Variants in SLCO5A1 observed in about 807,000 individuals in gnomAD.
SLCO5A1 encodes organic anion transporter polypeptide-related protein 4.
SLCO5A1 carries 39 observed loss-of-function variants against 65.1 expected under a neutral mutation model. That is an observed-to-expected ratio of 0.60 (90% confidence interval 0.46 to 0.78). The LOEUF is 0.78. Among genes scored for constraint, SLCO5A1 ranks in the 30% least tolerant of loss-of-function variants. The pLI is 0.00. For synonymous variants in SLCO5A1, 438 were observed against 415.7 expected (o/e 1.05, Z -0.65); for missense variants, 1,029 against 1,069.4 (o/e 0.96, Z 0.53).
At chr8:69,683,520 A>C (rs1024781116) in intron 6 of SLCO5A1, among the ~76,000 whole-genome samples, 3 of 152,026 alleles carry the variant, frequency 2.0e-5, no homozygotes, top group Non-Finnish European at 4.4e-5. Context: ...TGCACTCAAT[A>C]GGTAATTTCT....
chr8:69,678,775 C>A (rs1325022746), intron 8 of SLCO5A1, among the ~76,000 whole-genome samples: 1 of 124,434 alleles, frequency 8.0e-6, no homozygotes. Context: ...CAAGATATGG[C>A]AAAGAAAGCA....
At position 69,679,261 on chromosome 8, in the gene SLCO5A1, T is replaced by G. The variant is rs777353896; in HGVS notation, c.2024+117A>C. 362 of 1,425,528 alleles carry G rather than the reference T, an allele frequency of 2.5e-4. 1 individual carries two copies. Among genetic ancestry groups the G allele is most frequent in the Middle Eastern group, 1.2e-3 (6 of 4,826 alleles). 88.3% of individuals were successfully genotyped at this position (1,425,528 alleles called of 1,614,324 possible). A position where few individuals can be genotyped will look rare whatever the true frequency, so the allele number is the denominator to read the frequency against. The stretch of plus-strand genomic sequence containing the variant: ...CCAGGCAAATATCTGAGCGCCCTCC[T>G]GCACATGCTAATTTTGCTTTGCTCT... On this transcript the variant is annotated intron_variant, in intron 8 of 9. Coordinates refer to ENST00000260126, the MANE Select transcript of SLCO5A1 (RefSeq NM_030958.3).
In SLCO5A1 at chr8:69,702,300, G is replaced by A. The variant is rs141347462; in HGVS notation, c.1622+2731C>T. 1.2e-3 allele frequency among the ~76,000 whole-genome samples: 183 copies of A among 152,296 alleles called. 1 individual carries two copies. The Middle Eastern group carries it at 0.014, about 11-fold the overall frequency. On this transcript the variant is annotated intron_variant, in intron 6 of 9. Transcript: ENST00000260126. Reference sequence around the variant, plus strand: ...CCCTTGCCCACAACCTTCTGAGATTGCTGCTAACATCACCCCAATTTACAG... The same window carrying A: ...CCCTTGCCCACAACCTTCTGAGATTACTGCTAACATCACCCCAATTTACAG...
intron 6 of SLCO5A1, among the ~76,000 whole-genome samples, chr8:69,698,325 A>G (rs1306205228): frequency 6.6e-6 from 1 of 152,166 alleles, no homozygotes; most frequent in African/African-American, 2.4e-5. Flanking sequence ...ATATGTGTGC[A>G]TGTGTCTTTA....
At chr8:69,734,399 T>C (rs539669468) in intron 5 of SLCO5A1, among the ~76,000 whole-genome samples, 1 of 152,322 alleles carries the variant, frequency 6.6e-6, no homozygotes, top group South Asian at 2.1e-4. Flanking sequence ...TTAAAAGCCA[T>C]TGTCCATGAA....
chr8:69,697,203 A>G (rs7000631), intron 6 of SLCO5A1, among the ~76,000 whole-genome samples: 65,120 of 152,104 alleles, frequency 0.43, 14,294 homozygotes, highest in South Asian at 0.56. Context: ...TATCATACAT[A>G]TTTTAGATGG....
chr8:69,756,444 C>T (rs1252915496), intron 3 of SLCO5A1, among the ~76,000 whole-genome samples: 1 of 152,130 alleles, frequency 6.6e-6, no homozygotes, highest in Non-Finnish European at 1.5e-5. Context: ...TCCCACTTAG[C>T]TGGCCTTCAC....
intron 4 of SLCO5A1, among the ~76,000 whole-genome samples, chr8:69,753,834 A>G (rs1817430850): frequency 6.7e-6 from 1 of 149,996 alleles, no homozygotes; most frequent in Non-Finnish European, 1.5e-5. Flanking sequence ...AACATGGTGG[A>G]ATACCATCTC....
In SLCO5A1 at chr8:69,832,411, G is replaced by C; in HGVS notation, c.263C>G (p.Thr88Ser). The change falls in exon 2 of 10, where the codon ACT becomes AGT. Residue 88 changes from threonine to serine, a missense_variant. Coordinates refer to ENST00000260126, the MANE Select transcript of SLCO5A1 (RefSeq NM_030958.3). This position sits in a 1 kb window ranked among gnomAD's most constrained non-coding sequence, Gnocchi z 4.5. The part of the protein sequence containing the change: ...PLAPSPSAPS[T>S]SAGLGDCNHR... ...GTTACAGTCCCCGAGCCCCGCCGAA[G>C]TGGACGGGGCAGAGGGACTGGGGGC... The C allele has an allele frequency of 1.9e-6, 3 of 1,612,438 alleles. No individual in the cohort carries two copies. The highest frequency in any genetic ancestry group is 2.5e-6 in the Non-Finnish European group (3 of 1,179,356).
intron 5 of SLCO5A1, among the ~76,000 whole-genome samples, chr8:69,705,869 A>G (rs1230947598): frequency 6.6e-6 from 1 of 152,260 alleles, no homozygotes; most frequent in African/African-American, 2.4e-5. Context: ...ACTCACTTTG[A>G]AAAACAGTTT....
At chr8:69,773,320 G>T (rs1818416478) in intron 2 of SLCO5A1, among the ~76,000 whole-genome samples, 2 of 152,182 alleles carry the variant, frequency 1.3e-5, no homozygotes, top group South Asian at 4.1e-4. Flanking sequence ...TTGTTTCCCA[G>T]ATGGCAGTAG....
intron 4 of SLCO5A1, among the ~76,000 whole-genome samples, chr8:69,747,423 G>GA (rs919492739): frequency 8.9e-5 from 13 of 146,778 alleles, no homozygotes; most frequent in South Asian, 4.3e-4. Context: ...AAAATACTCA[G>GA]AAAAAAAAAA....
intron 6 of SLCO5A1, among the ~76,000 whole-genome samples, chr8:69,694,899 G>A (rs949906544): frequency 2.0e-5 from 3 of 152,180 alleles, no homozygotes; most frequent in Non-Finnish European, 2.9e-5. Flanking sequence ...GTGAGAAAAG[G>A]TGTACTGTAA....
At chr8:69,679,306 C>T (rs771460122) in intron 8 of SLCO5A1, 72 bp downstream of exon 8, 20 of 1,584,658 alleles carry the variant, frequency 1.3e-5, no homozygotes, top group Non-Finnish European at 1.6e-5. Flanking sequence ...CACATAAGCC[C>T]CTTGTCCTGG....
At chr8:69,819,393 C>T (rs1586833366) in intron 2 of SLCO5A1, among the ~76,000 whole-genome samples, 1 of 151,524 alleles carries the variant, frequency 6.6e-6, no homozygotes, top group South Asian at 2.1e-4. Flanking sequence ...CCAGCATTGC[C>T]CATGGCTAGA....
intron 2 of SLCO5A1, among the ~76,000 whole-genome samples, chr8:69,797,240 C>T (rs1819542815): frequency 6.6e-6 from 1 of 152,196 alleles, no homozygotes; most frequent in African/African-American, 2.4e-5. Context: ...TTATCACTTC[C>T]CCAATCAATA....
At chr8:69,689,002 G>A (rs1271279410) in intron 6 of SLCO5A1, among the ~76,000 whole-genome samples, 59 of 149,256 alleles carry the variant, frequency 4.0e-4, no homozygotes, top group Middle Eastern at 3.4e-3. Context: ...AGCACCTGTT[G>A]TTTCCTGACT....
rs1320304983 is a variant in SLCO5A1 at position 69,672,937 on chromosome 8, C to A, written c.2479G>T (p.Glu827Ter). 6 of 1,614,222 alleles carry A rather than the reference C, an allele frequency of 3.7e-6. No homozygotes were observed. The highest frequency in any genetic ancestry group is 5.1e-6 in the Non-Finnish European group (6 of 1,180,040). Residue 827 changes from glutamate to a stop codon, truncating the protein, a stop_gained, in exon 10 of 10, where the codon GAA becomes TAA. Coordinates refer to ENST00000260126, the MANE Select transcript of SLCO5A1 (RefSeq NM_030958.3). LOFTEE classifies it high-confidence loss of function. ...AAQTYPGPFPEAISSSADPGL... is the reference protein window; with the variant it reads ...AAQTYPGPFP ...GGGTCCGCAGAGGAACTTATTGCTT[C>A]TGGGAAGGGCCCCGGGTAGGTCTGT... is the stretch of plus-strand genomic sequence containing the variant.
At chr8:69,779,295 T>C (rs771775859) in intron 2 of SLCO5A1, among the ~76,000 whole-genome samples, 37 of 152,198 alleles carry the variant, frequency 2.4e-4, no homozygotes, top group Non-Finnish European at 4.6e-4. Context: ...TAAATTTTTA[T>C]TTAGACGCAT....
Sources: gnomAD v4.1 joint callset for allele counts (sites outside exome capture counted in the v4.1 genomes callset) on GRCh38, gnomAD v4.1.1 for gene constraint, Gnocchi (gnomAD v3.1) non-coding constraint, MANE v1.5 for transcripts, NCBI Gene and HGNC (gene_info 2026-07-23, HGNC 2026-07-21) for gene names.